Variants in METAP2 observed in about 807,000 individuals in gnomAD.
METAP2 encodes methionyl aminopeptidase 2.
Under a neutral mutation model 59.4 loss-of-function variants are expected in METAP2, and 25 were observed. That is an observed-to-expected ratio of 0.42 (90% confidence interval 0.31 to 0.59). The LOEUF (loss-of-function observed/expected upper bound fraction) is 0.59. Ranked by LOEUF, METAP2 falls within the 20% of genes least tolerant of loss-of-function variation. METAP2 has a pLI of 0.16. For missense variants in METAP2, 366 were observed against 581.2 expected, an observed-to-expected ratio of 0.63 and a Z score of 3.81; for synonymous variants, 214 against 194.1, an observed-to-expected ratio of 1.10 and a Z score of -0.85.
intron 4 of METAP2, among the ~76,000 whole-genome samples, chr12:95,489,130 G>A (rs2076219385): frequency 1.3e-5 from 2 of 151,914 alleles, no homozygotes; most frequent in African/African-American, 4.8e-5. Context: ...TCCCGTTTCT[G>A]TTTCTTTATA....
chr12:95,491,911 T>G (rs1361077396), intron 4 of METAP2, among the ~76,000 whole-genome samples: 1 of 152,088 alleles, frequency 6.6e-6, no homozygotes, highest in Admixed American at 6.6e-5. Flanking sequence ...GCTCAAGTGA[T>G]CCTCCTACCC....
At chr12:95,491,292 G>C (rs1014973396) in intron 4 of METAP2, among the ~76,000 whole-genome samples, 2 of 151,614 alleles carry the variant, frequency 1.3e-5, no homozygotes, top group Non-Finnish European at 1.5e-5. Context: ...TGCTTTTATG[G>C]GTTATTTCAT....
intron 2 of METAP2, among the ~76,000 whole-genome samples, chr12:95,476,965 C>G (rs2076124485): frequency 6.6e-6 from 1 of 152,196 alleles, no homozygotes. Context: ...CCCTTCATGG[C>G]TTTACCCAGC....
intron 4 of METAP2, among the ~76,000 whole-genome samples, chr12:95,489,087 GT>G (rs1475743382): frequency 3.3e-5 from 5 of 151,856 alleles, no homozygotes; most frequent in African/African-American, 1.2e-4. Flanking sequence ...GTGTTTTATG[GT>G]TTTTGTTAGT....
chr12:95,507,472 G>C (rs2076370078), intron 8 of METAP2, among the ~76,000 whole-genome samples: 1 of 152,338 alleles, frequency 6.6e-6, no homozygotes, highest in Admixed American at 6.5e-5. Context: ...CAAAATACCA[G>C]GATTGGCAAA....
Position 95,509,836 on chromosome 12 carries a change from T to TC in METAP2, c.965-2052dup, listed in dbSNP as rs1246108706. 1.6e-4 allele frequency among the ~76,000 whole-genome samples: 19 copies of TC among 122,350 alleles called. 1 individual carries two copies. Among genetic ancestry groups the TC allele is most frequent in the Admixed American group, 3.3e-4 (4 of 12,246 alleles). The allele number at this position is 122,350 out of a possible 152,430, so 80.3% of individuals were successfully genotyped here. ...TATAGAGTTAAATTTTTTTAAGACC[T>TC]CCCCCCCAACCTTTTTTTTTTTTTT... is the stretch of plus-strand genomic sequence containing the variant. On this transcript the variant is annotated intron_variant, in intron 8 of 10. Transcript: ENST00000323666.
intron 2 of METAP2, chr12:95,481,979 TG>T (rs2076161501): frequency 1.1e-5 from 3 of 281,630 alleles, no homozygotes; most frequent in Non-Finnish European, 2.2e-5. Flanking sequence ...AAACATTTAA[TG>T]GGGTGAAGAA....
rs766763420 is a variant in METAP2 at position 95,495,098 on chromosome 12, T to C, written c.732T>C (p.Tyr244=). The change falls in exon 6 of 11, where the codon TAT becomes TAC. Residue 244 remains tyrosine, a synonymous_variant. Coordinates refer to ENST00000323666, the MANE Select transcript of METAP2 (RefSeq NM_006838.4). The part of the protein sequence containing the change: ...PNAGDTTVLQ[Y]DDICKIDFGT... ...CCGGTGACACAACAGTATTACAGTATGATGACATCTGTAAAATAGACTTTG... is the reference window on the plus strand; with the variant it reads ...CCGGTGACACAACAGTATTACAGTACGATGACATCTGTAAAATAGACTTTG... 1 of 1,613,406 alleles carries C rather than the reference T, an allele frequency of 6.2e-7. No individual in the cohort carries two copies. Among genetic ancestry groups the C allele is most frequent in the Admixed American group, 1.7e-5 (1 of 60,008 alleles).
At chr12:95,477,067 C>G (rs1054062644) in intron 2 of METAP2, among the ~76,000 whole-genome samples, 7 of 152,006 alleles carry the variant, frequency 4.6e-5, no homozygotes, top group African/African-American at 1.7e-4. Context: ...AATTTCAAAC[C>G]TAGTGCCTGA....
Position 95,474,164 on chromosome 12 carries a change from C to G in METAP2, c.-16C>G, listed in dbSNP as rs1384139415. On this transcript the variant is annotated 5_prime_UTR_variant, in exon 1 of 11. Transcript: ENST00000323666. ...CTCGCCGCTCTGTCTCATTCCCTCG[C>G]GCTCTCTCGGGCAACATGGCGGGTG... 1 of 1,612,888 alleles carries G rather than the reference C, an allele frequency of 6.2e-7. No homozygotes were observed. The highest frequency in any genetic ancestry group is 2.2e-5 in the East Asian group (1 of 44,842).
intron 4 of METAP2, among the ~76,000 whole-genome samples, chr12:95,489,909 A>G (rs1436268646): frequency 6.6e-6 from 1 of 152,236 alleles, no homozygotes; most frequent in Non-Finnish European, 1.5e-5. Context: ...AGCATAGTAC[A>G]AAGAATTCCC....
chr12:95,502,205 T>A (rs1433402975), intron 7 of METAP2, among the ~76,000 whole-genome samples: 1 of 151,962 alleles, frequency 6.6e-6, no homozygotes, highest in East Asian at 1.9e-4. Flanking sequence ...GGGGTCTCAC[T>A]TTGTTGGCCA....
rs1164865871 is a variant in METAP2, at chr12:95,514,168, G to T, written c.*264G>T. 1.8e-5 allele frequency: 8 copies of T among 436,992 alleles called. No homozygotes were observed. Among genetic ancestry groups the T allele is most frequent in the Non-Finnish European group, 2.8e-5 (7 of 249,356 alleles). 27.1% of individuals were successfully genotyped at this position (436,992 alleles called of 1,614,324 possible). A position where few individuals can be genotyped will look rare whatever the true frequency, so the allele number is the denominator to read the frequency against. On this transcript the variant is annotated 3_prime_UTR_variant, in exon 11 of 11. Transcript: ENST00000323666. ...TATAAAGCTCAAATTAGTTAGGAAT[G>T]ACTTATACGTTTTGTTTTGAATACC... is the stretch of plus-strand genomic sequence containing the variant.
At chr12:95,501,149 A>G (rs1425429806) in intron 7 of METAP2, among the ~76,000 whole-genome samples, 1 of 151,576 alleles carries the variant, frequency 6.6e-6, no homozygotes, top group Non-Finnish European at 1.5e-5. Context: ...AGCCGGGACC[A>G]CAGGCGTGTA....
At chr12:95,480,792 G>T (rs1367659395) in intron 2 of METAP2, among the ~76,000 whole-genome samples, 1 of 152,110 alleles carries the variant, frequency 6.6e-6, no homozygotes, top group Non-Finnish European at 1.5e-5. Context: ...ATTTCTATGG[G>T]ATGGCTATTC....
At chr12:95,506,323 A>G (rs1416155615) in intron 8 of METAP2, among the ~76,000 whole-genome samples, 4 of 137,756 alleles carry the variant, frequency 2.9e-5, no homozygotes, top group East Asian at 2.1e-4. Flanking sequence ...TTGAGACGCA[A>G]TCTCACTCTG....
rs2140172318 is a variant in METAP2 at position 95,515,481 on chromosome 12, G to T, written c.*1577G>T. The T allele has an allele frequency of 6.6e-6, 1 of 152,300 alleles. No homozygotes were observed. Among genetic ancestry groups the T allele is most frequent in the South Asian group, 2.1e-4 (1 of 4,826 alleles). The allele number at this position is 152,300 out of a possible 1,614,324, so 9.4% of individuals were successfully genotyped here. ...GTTGAGTCCGTATCTTTTTGATGTGGAAGTATAAAGCAAGTATCTTGATTT... is the reference window on the plus strand; with the variant it reads ...GTTGAGTCCGTATCTTTTTGATGTGTAAGTATAAAGCAAGTATCTTGATTT... On this transcript the variant is annotated 3_prime_UTR_variant, in exon 11 of 11. Coordinates refer to ENST00000323666, the MANE Select transcript of METAP2 (RefSeq NM_006838.4).
At chr12:95,493,493 G>A (rs2076254362) in intron 4 of METAP2, among the ~76,000 whole-genome samples, 1 of 152,058 alleles carries the variant, frequency 6.6e-6, no homozygotes, top group Non-Finnish European at 1.5e-5. Flanking sequence ...AAATTCGTTA[G>A]CACTGGCAGT....
intron 8 of METAP2, among the ~76,000 whole-genome samples, chr12:95,509,937 C>G (rs2076390322): frequency 1.3e-5 from 2 of 148,464 alleles, no homozygotes; most frequent in South Asian, 4.3e-4. Context: ...CTCCCGGGTT[C>G]AAGTGACTCT....
Sources: allele counts gnomAD v4.1 joint callset (sites outside exome capture counted in the v4.1 genomes callset), GRCh38; gene constraint gnomAD v4.1.1; transcripts MANE v1.5; gene names NCBI Gene and HGNC (gene_info 2026-07-23, HGNC 2026-07-21).